Variants in SCAP observed in about 807,000 individuals in gnomAD.
SCAP encodes sterol regulatory element-binding protein cleavage-activating protein.
Under a neutral mutation model 123.6 loss-of-function variants are expected in SCAP, and 65 were observed. The observed-to-expected ratio is 0.53, with a 90% CI of 0.43 to 0.65. The LOEUF (loss-of-function observed/expected upper bound fraction) is 0.65. Among genes scored for constraint, SCAP ranks in the 30% least tolerant of loss-of-function variants. The pLI is 0.00. For missense variants in SCAP, 1,398 were observed against 1,712.5 expected (o/e 0.82, Z 3.24); for synonymous variants, 740 against 726.3 (o/e 1.02, Z -0.30).
chr3:47,454,452 C>G (rs1707340157), intron 1 of SCAP, among the ~76,000 whole-genome samples: 1 of 151,510 alleles, frequency 6.6e-6, no homozygotes, highest in South Asian at 2.1e-4. Flanking sequence ...TTAGGCCAGG[C>G]ACGGTGGCTC....
At chr3:47,418,582 C>T in intron 14 of SCAP, 60 bp from the exon 15 acceptor site, 1 of 1,548,972 alleles carries the variant, frequency 6.5e-7, no homozygotes, top group East Asian at 2.4e-5. Flanking sequence ...TCCCCTCCTC[C>T]CTCTCCCCTA....
chr3:47,467,602 C>CA (rs1355431742), intron 1 of SCAP, among the ~76,000 whole-genome samples: 12 of 145,200 alleles, frequency 8.3e-5, no homozygotes, highest in Admixed American at 3.5e-4. Context: ...GACCCCGTCT[C>CA]AAGAAAAAGA....
Position 47,420,433 on chromosome 3 carries a change from C to T in SCAP, c.1563+121G>A. 2.2e-6 allele frequency: 2 copies of T among 906,810 alleles called. No individual in the cohort carries two copies. Among genetic ancestry groups the T allele is most frequent in the Non-Finnish European group, 1.6e-6 (1 of 616,016 alleles). 56.2% of individuals were successfully genotyped at this position (906,810 alleles called of 1,614,324 possible). A position where few individuals can be genotyped will look rare whatever the true frequency, so the allele number is the denominator to read the frequency against. Reference sequence around the variant, plus strand: ...CGGGCAACTCCCCAGAGCCAGGCTTCCAGGGGCCACCAGGGCCTGAGGAAT... The same window carrying T: ...CGGGCAACTCCCCAGAGCCAGGCTTTCAGGGGCCACCAGGGCCTGAGGAAT... On this transcript the variant is annotated intron_variant, in intron 12 of 22. Coordinates refer to ENST00000265565, the MANE Select transcript of SCAP (RefSeq NM_012235.4). The surrounding 1 kb of genome is among the most constrained non-coding windows in gnomAD (Gnocchi z 5.0).
intron 8 of SCAP, 33 bp from the exon 9 acceptor site, chr3:47,424,078 G>T (rs780377772): frequency 6.5e-7 from 1 of 1,534,126 alleles, no homozygotes; most frequent in Non-Finnish European, 9.0e-7. Flanking sequence ...TGAGGACAGT[G>T]TTGTGGTGGT....
At position 47,419,835 on chromosome 3, in the gene SCAP, C is replaced by A; in HGVS notation, c.1564-131G>T. On this transcript the variant is annotated intron_variant, in intron 12 of 22. Coordinates refer to ENST00000265565, the MANE Select transcript of SCAP (RefSeq NM_012235.4). The surrounding 1 kb of genome is among the most constrained non-coding windows in gnomAD (Gnocchi z 5.0). ...TGGAGAGAGGACACAGGCCCCACTG[C>A]GTCCTTTTCTCCTGCCTCTCCAAGT... The A allele has an allele frequency of 9.4e-7, 1 of 1,061,182 alleles. No individual in the cohort carries two copies. Among genetic ancestry groups the A allele is most frequent in the Admixed American group, 3.2e-5 (1 of 31,410 alleles). The allele number at this position is 1,061,182 out of a possible 1,614,324, so 65.7% of individuals were successfully genotyped here.
rs750044355 is a variant in SCAP at position 47,418,108 on chromosome 3, A to G, written c.2447+26T>C. On this transcript the variant is annotated intron_variant, in intron 16 of 22. Coordinates refer to ENST00000265565, the MANE Select transcript of SCAP (RefSeq NM_012235.4). ...GGGTGAGGGGGGTTGTGGGGGCACAAAGGAGGAAAGGGCAGCCGCACCTAC... is the reference window on the plus strand; with the variant it reads ...GGGTGAGGGGGGTTGTGGGGGCACAGAGGAGGAAAGGGCAGCCGCACCTAC... 1.8e-5 allele frequency: 27 copies of G among 1,531,568 alleles called. No individual in the cohort carries two copies. The South Asian group carries it at 2.5e-4, about 14-fold the overall frequency. The allele number at this position is 1,531,568 out of a possible 1,614,324, so 94.9% of individuals were successfully genotyped here. A position where few individuals can be genotyped will look rare whatever the true frequency, so the allele number is the denominator to read the frequency against.
At chr3:47,431,346 G>A (rs1706351185) in intron 3 of SCAP, among the ~76,000 whole-genome samples, 1 of 151,342 alleles carries the variant, frequency 6.6e-6, no homozygotes, top group African/African-American at 2.4e-5. Context: ...TAAAAAGAAG[G>A]ACATTTCATC....
intron 10 of SCAP, among the ~76,000 whole-genome samples, chr3:47,422,150 T>C (rs1411205117): frequency 6.6e-6 from 1 of 152,220 alleles, no homozygotes; most frequent in Admixed American, 6.5e-5. Context: ...CTCCTGCCAC[T>C]TGGCTGAAAG....
At chr3:47,435,467 CAT>C (rs72163761) in intron 2 of SCAP, among the ~76,000 whole-genome samples, 10,752 of 53,244 alleles carry the variant, frequency 0.2, 501 homozygotes, top group Non-Finnish European at 0.3. Context: ...ATAATATAAA[CAT>C]ACACACACAC....
chr3:47,422,034 G>T (rs1174874760), intron 10 of SCAP, among the ~76,000 whole-genome samples: 1 of 152,274 alleles, frequency 6.6e-6, no homozygotes, highest in Admixed American at 6.5e-5. Flanking sequence ...GGAGGAGACC[G>T]GAGGAAGGGT....
Position 47,419,520 on chromosome 3 carries a change from T to C in SCAP, c.1748A>G (p.Asp583Gly). Residue 583 changes from aspartate (D) to glycine (G), a missense_variant, in exon 13 of 23, where the codon GAT becomes GGT. Physicochemically the swap from Asp to Gly is moderately conservative, Grantham distance 94 (BLOSUM62 -1). Coordinates refer to ENST00000265565, the MANE Select transcript of SCAP (RefSeq NM_012235.4). The surrounding 1 kb of genome is among the most constrained non-coding windows in gnomAD (Gnocchi z 5.0). ...CTGGTTCTCAGGTAGCTTAGGGGCA[T>C]CAGGTGGGAAGATGGAGAAGGCAGG... ...PDPAFSIFPP[D>G]APKLPENQTS... is the part of the protein sequence containing the mutation. 6.2e-7 allele frequency: 1 copy of C among 1,613,858 alleles called. No individual in the cohort carries two copies. Among genetic ancestry groups the C allele is most frequent in the Non-Finnish European group, 8.5e-7 (1 of 1,179,960 alleles).
chr3:47,454,262 G>A (rs1433318752), intron 1 of SCAP, among the ~76,000 whole-genome samples: 3 of 151,944 alleles, frequency 2.0e-5, no homozygotes, highest in Non-Finnish European at 2.9e-5. Flanking sequence ...AGCTACTCGG[G>A]AGGCTGAGGC....
chr3:47,464,647 T>G (rs997050988), intron 1 of SCAP, among the ~76,000 whole-genome samples: 2 of 152,182 alleles, frequency 1.3e-5, no homozygotes, highest in African/African-American at 4.8e-5. Context: ...TCTCACAGCT[T>G]ACATCACACT....
chr3:47,415,080 C>T lies in SCAP; in HGVS notation c.3139+18G>A, dbSNP rs141739155. ...GTCCCACCAAGTGTGAACACCTGCCCACCCCAGGCCCTCCGACCTCTAAAC... is the reference window on the plus strand; with the variant it reads ...GTCCCACCAAGTGTGAACACCTGCCTACCCCAGGCCCTCCGACCTCTAAAC... On this transcript the variant is annotated intron_variant, in intron 19 of 22. Coordinates refer to ENST00000265565, the MANE Select transcript of SCAP (RefSeq NM_012235.4). 2.2e-4 allele frequency: 343 copies of T among 1,589,300 alleles called. 1 individual carries two copies. The African/African-American group carries it at 4.1e-3, about 19-fold the overall frequency.
At chr3:47,447,428 G>A (rs963783253) in intron 1 of SCAP, among the ~76,000 whole-genome samples, 10 of 152,138 alleles carry the variant, frequency 6.6e-5, no homozygotes, top group Admixed American at 2.6e-4. Flanking sequence ...GGTGGCTCAC[G>A]CCTGTAATCC....
intron 18 of SCAP, 87 bp from the exon 19 acceptor site, chr3:47,415,267 G>T: frequency 8.1e-7 from 1 of 1,234,928 alleles, no homozygotes; most frequent in Non-Finnish European, 1.1e-6. Flanking sequence ...TTAAGGGCCA[G>T]TTCAAGAAGG....
rs1399993409 is a variant in SCAP at position 47,428,554 on chromosome 3, G to A, written c.369C>T (p.Phe123=). 1.2e-6 allele frequency: 2 copies of A among 1,614,170 alleles called. No individual in the cohort carries two copies. Among genetic ancestry groups the A allele is most frequent in the South Asian group, 2.2e-5 (2 of 91,084 alleles). The part of the protein sequence containing the change: ...DVFRSPLSRA[F]QLVEEIRNHV... ...GGTTCCGGATCTCCTCCACCAGTTG[G>A]AATGCCCGGGACAAAGGTGAACGAA... Residue 123 remains phenylalanine (F), a synonymous_variant, in exon 4 of 23, where the codon TTC becomes TTT. Coordinates refer to ENST00000265565, the MANE Select transcript of SCAP (RefSeq NM_012235.4).
chr3:47,444,647 T>C (rs971812595), intron 1 of SCAP, among the ~76,000 whole-genome samples: 3 of 152,062 alleles, frequency 2.0e-5, no homozygotes, highest in African/African-American at 7.2e-5. Flanking sequence ...CTAATTTTTG[T>C]ATTTTTTTGT....
intron 1 of SCAP, among the ~76,000 whole-genome samples, chr3:47,446,318 C>A (rs1707040345): frequency 6.6e-6 from 1 of 152,008 alleles, no homozygotes; most frequent in Admixed American, 6.6e-5. Flanking sequence ...GGACTACAGG[C>A]ACTCACCACC....
Sources: allele counts gnomAD v4.1 joint callset (sites outside exome capture counted in the v4.1 genomes callset), GRCh38; gene constraint gnomAD v4.1.1; non-coding constraint Gnocchi (gnomAD v3.1); transcripts MANE v1.5; gene names NCBI Gene and HGNC (gene_info 2026-07-23, HGNC 2026-07-21).